The following TENM3 variants were observed in gnomAD, a reference collection of about 807,000 sequenced individuals.
TENM3 encodes the protein teneurin-3.
TENM3 carries 63 observed loss-of-function variants against 255.1 expected under a neutral mutation model. That is an observed-to-expected ratio of 0.25 (90% CI 0.20 to 0.30). The LOEUF (loss-of-function observed/expected upper bound fraction) is 0.30. Ranked by LOEUF, TENM3 falls within the 10% of genes least tolerant of loss-of-function variation. The pLI, the probability that TENM3 is intolerant of heterozygous loss-of-function variation, is 1.00. For missense variants in TENM3, 2,929 were observed against 3,461.1 expected (o/e 0.85, Z 3.86); for synonymous variants, 1,306 against 1,322.3 (o/e 0.99, Z 0.27).
At chr4:182,209,387 C>A (rs182535978) in intron 1 of TENM3, among the ~76,000 whole-genome samples, 1 of 152,128 alleles carries the variant, frequency 6.6e-6, no homozygotes, top group South Asian at 2.1e-4. Context: ...GTGCGTGTGG[C>A]CCCACTGTGC....
intron 22 of TENM3, among the ~76,000 whole-genome samples, chr4:182,766,896 A>G (rs941667739): frequency 6.6e-6 from 1 of 152,162 alleles, no homozygotes; most frequent in Non-Finnish European, 1.5e-5. Flanking sequence ...CCCACCCCAT[A>G]CAATTCTCAC....
At chr4:181,596,758 AG>A in the TENM3 span, among the ~76,000 whole-genome samples, 737 of 152,340 alleles carry the variant, frequency 4.8e-3, 1 homozygote, top group African/African-American at 0.017. Flanking sequence ...GCCATAAAAA[AG>A]AATGAGATCA....
rs79064432 is a variant in TENM3 at position 182,596,433 on chromosome 4, G to T, written c.512-4491G>T. ...TTAACTCTAGCACAGAGGGGAATGC[G>T]AATAGAGCCATGAAAAAGGGACAGA... On this transcript the variant is annotated intron_variant, in intron 3 of 27. Coordinates refer to ENST00000511685, the MANE Select transcript of TENM3 (RefSeq NM_001080477.4). 3.0e-3 allele frequency among the ~76,000 whole-genome samples: 453 copies of T among 149,534 alleles called. 1 individual carries two copies. The highest frequency in any genetic ancestry group is 0.01 in the African/African-American group (430 of 41,338).
the TENM3 span, among the ~76,000 whole-genome samples, chr4:181,563,857 A>T: frequency 1.3e-5 from 2 of 152,100 alleles, no homozygotes; most frequent in African/African-American, 4.8e-5. Context: ...ATCTAACCAT[A>T]CAGTAGACCA....
chr4:182,172,879 T>C (rs1339231037), intron 1 of TENM3, among the ~76,000 whole-genome samples: 1 of 152,204 alleles, frequency 6.6e-6, no homozygotes, highest in African/African-American at 2.4e-5. Flanking sequence ...GGTGAATCCT[T>C]ACTGCAATAT....
rs535544982 is a variant in TENM3, at chr4:182,536,592, T to C, written c.512-64332T>C. On this transcript the variant is annotated intron_variant, in intron 3 of 27. Coordinates refer to ENST00000511685, the MANE Select transcript of TENM3 (RefSeq NM_001080477.4). Reference sequence around the variant, plus strand: ...GCCAAGACCAAAATCACTGACTTGCTGGAAAGAAATAAGCAGATGTGACTG... The same window carrying C: ...GCCAAGACCAAAATCACTGACTTGCCGGAAAGAAATAAGCAGATGTGACTG... Among the ~76,000 whole-genome samples the C allele has an allele frequency of 2.6e-5, 4 of 152,348 alleles. No homozygotes were observed. The East Asian group carries it at 7.7e-4, about 29-fold the overall frequency.
At chr4:182,067,475 G>T in the TENM3 span, among the ~76,000 whole-genome samples, 1 of 152,142 alleles carries the variant, frequency 6.6e-6, no homozygotes, top group East Asian at 1.9e-4. Context: ...AAATAAAAAG[G>T]TAATATGGCA....
the TENM3 span, among the ~76,000 whole-genome samples, chr4:182,087,161 G>A: frequency 3.5e-4 from 54 of 152,200 alleles, no homozygotes; most frequent in African/African-American, 1.2e-3. Context: ...TAGGCTTGTC[G>A]GAGCTCCCGG....
At chr4:182,649,298 ATTCT>A (rs996392664) in intron 5 of TENM3, among the ~76,000 whole-genome samples, 4 of 150,762 alleles carry the variant, frequency 2.7e-5, no homozygotes, top group African/African-American at 7.2e-5. Flanking sequence ...AAATATAATC[ATTCT>A]TTCTACAAAA....
At chr4:182,442,875 CACACAT>C (rs757576231) in intron 3 of TENM3, among the ~76,000 whole-genome samples, 2,539 of 149,988 alleles carry the variant, frequency 0.017, 65 homozygotes, top group African/African-American at 0.056. Flanking sequence ...CACACACACA[CACACAT>C]ATATATATAT....
At chr4:182,243,272 G>A (rs775038600), upstream of TENM3, among the ~76,000 whole-genome samples, 12 of 152,086 alleles carry the variant, frequency 7.9e-5, no homozygotes, top group South Asian at 2.1e-4. Flanking sequence ...GCACCACCAC[G>A]CCCAGATAAT....
chr4:182,086,586 A>T, the TENM3 span, among the ~76,000 whole-genome samples: 214 of 152,268 alleles, frequency 1.4e-3, no homozygotes, highest in African/African-American at 5.1e-3. Context: ...GGCTTTTTGT[A>T]GGAAGGTGTT....
At chr4:182,743,563 C>T (rs1394960510) in intron 19 of TENM3, 144 bp downstream of exon 19, 1 of 923,164 alleles carries the variant, frequency 1.1e-6, no homozygotes, top group Non-Finnish European at 1.6e-6. Context: ...CAAATTCTTG[C>T]TTAAAGTTAA....
At chr4:182,045,764 C>T in the TENM3 span, among the ~76,000 whole-genome samples, 2 of 152,186 alleles carry the variant, frequency 1.3e-5, no homozygotes, top group East Asian at 3.9e-4. Context: ...GACTTAAAAC[C>T]TAGGCCGGGC....
chr4:182,793,788 G>C lies in TENM3; in HGVS notation c.7116G>C (p.Trp2372Cys). The change falls in exon 26 of 28, where the codon TGG becomes TGC. Residue 2372 changes from tryptophan to cysteine, a missense_variant. Transcript: ENST00000511685. The surrounding 1 kb of genome is among the most constrained non-coding windows in gnomAD (Gnocchi z 5.7). ...GRWTTPDIEI[W>C]KRIGKDPAPF... Reference sequence around the variant, plus strand: ...GGACAACACCTGACATAGAAATCTGGAAAAGAATTGGGAAGGACCCAGCTC... The same window carrying C: ...GGACAACACCTGACATAGAAATCTGCAAAAGAATTGGGAAGGACCCAGCTC... 1 of 1,613,916 alleles carries C rather than the reference G, an allele frequency of 6.2e-7. No homozygotes were observed. Among genetic ancestry groups the C allele is most frequent in the Non-Finnish European group, 8.5e-7 (1 of 1,179,856 alleles).
intron 3 of TENM3, among the ~76,000 whole-genome samples, chr4:182,364,654 C>T (rs766852730): frequency 6.6e-6 from 1 of 152,136 alleles, no homozygotes; most frequent in African/African-American, 2.4e-5. Flanking sequence ...CTCCTGACCT[C>T]GTGATCCGCT....
In TENM3 at chr4:182,743,356, G is replaced by A; in HGVS notation, c.3566G>A (p.Gly1189Asp). 6.2e-7 allele frequency: 1 copy of A among 1,613,930 alleles called. No homozygotes were observed. The highest frequency in any genetic ancestry group is 8.5e-7 in the Non-Finnish European group (1 of 1,179,848). Residue 1189 changes from glycine (G) to aspartate (D), a missense_variant, in exon 19 of 28, where the codon GGC becomes GAC. Coordinates refer to ENST00000511685, the MANE Select transcript of TENM3 (RefSeq NM_001080477.4). ...ACGIDGSLYV[G>D]DFNYVRRIFP... ...GGGATCGATGGCAGTCTGTACGTAG[G>A]CGATTTCAACTATGTGCGGCGGATA...
Position 182,328,539 on chromosome 4 carries a change from A to G in TENM3, c.232+4287A>G, listed in dbSNP as rs142069749. 6.5e-3 allele frequency among the ~76,000 whole-genome samples: 745 copies of G among 114,056 alleles called. 6 individuals are homozygous for G. The highest frequency in any genetic ancestry group is 0.026 in the African/African-American group (695 of 26,558). 74.8% of individuals were successfully genotyped at this position (114,056 alleles called of 152,430 possible). A position where few individuals can be genotyped will look rare whatever the true frequency, so the allele number is the denominator to read the frequency against. Reference sequence around the variant, plus strand: ...CCAGGACTCTGTTTTTAAATTTGAAAAACACCGTGATATCTATGTTTGTAC... The same window carrying G: ...CCAGGACTCTGTTTTTAAATTTGAAGAACACCGTGATATCTATGTTTGTAC... On this transcript the variant is annotated intron_variant, in intron 2 of 27. Transcript: ENST00000511685.
In TENM3 at chr4:182,287,127, C is replaced by A. The variant is rs548784226; in HGVS notation, c.-75-36819C>A. Among the ~76,000 whole-genome samples the A allele has an allele frequency of 5.3e-5, 8 of 152,280 alleles. No individual in the cohort carries two copies. The South Asian group carries it at 1.7e-3, about 32-fold the overall frequency. On this transcript the variant is annotated intron_variant, in intron 1 of 27. Coordinates refer to ENST00000511685, the MANE Select transcript of TENM3 (RefSeq NM_001080477.4). The stretch of plus-strand genomic sequence containing the variant: ...ACTGTAGTTCCAGCTACTGAGGAGG[C>A]TGAAGTGGGAGGATCACTTGGGTTC...
Sources: allele counts gnomAD v4.1 joint callset (sites outside exome capture counted in the v4.1 genomes callset), GRCh38; gene constraint gnomAD v4.1.1; non-coding constraint Gnocchi (gnomAD v3.1); transcripts MANE v1.5; gene names NCBI Gene and HGNC (gene_info 2026-07-23, HGNC 2026-07-21).